Variants in TXNDC16 observed in about 807,000 individuals in gnomAD.
TXNDC16 encodes the protein thioredoxin domain containing 16, also known as thioredoxin domain-containing protein 16.
TXNDC16 carries 74 observed loss-of-function variants against 85.6 expected under a neutral mutation model. The observed-to-expected ratio is 0.86, with a 90% CI of 0.72 to 1.05. TXNDC16 has a LOEUF of 1.05. TXNDC16 is among the 50% of genes least tolerant of loss of function. TXNDC16 has a pLI of 0.00. For synonymous variants in TXNDC16, 335 were observed against 326.5 expected (o/e 1.03, Z -0.28); for missense variants, 959 against 947.0 (o/e 1.01, Z -0.17).
rs141505627 is a variant in TXNDC16 at position 52,519,184 on chromosome 14, T to C, written c.502A>G (p.Ile168Val). The C allele has an allele frequency of 6.2e-7, 1 of 1,609,718 alleles. No homozygotes were observed. The highest frequency in any genetic ancestry group is 8.5e-7 in the Non-Finnish European group (1 of 1,178,236). ...AGTTAAAGAATACCTGGTATTCCAA[T>C]GGCTCTTACATATGAGAATATAATA... ...ANIIFSYVRA[I>V]GIPEHRAVME... Residue 168 changes from isoleucine (I) to valine (V), a missense_variant, in exon 7 of 21, where the codon ATT (isoleucine) becomes GTT (valine). Ile to Val is a conservative substitution (Grantham distance 29). Coordinates refer to ENST00000281741, the MANE Select transcript of TXNDC16 (RefSeq NM_020784.3).
intron 1 of TXNDC16, 119 bp from the exon 2 acceptor site, chr14:52,544,490 T>C (rs765000529): frequency 2.6e-5 from 4 of 152,060 alleles, no homozygotes; most frequent in South Asian, 2.1e-4. Context: ...CTCTTTCAAA[T>C]GCAAGCTCAC....
At chr14:52,515,917 T>G (rs1184624582) in intron 7 of TXNDC16, among the ~76,000 whole-genome samples, 4 of 152,114 alleles carry the variant, frequency 2.6e-5, no homozygotes, top group Non-Finnish European at 5.9e-5. Context: ...AGAAGCCATA[T>G]GGTACAGAAT....
rs369265944 is a variant in TXNDC16 at position 52,542,417 on chromosome 14, T to C, written c.197A>G (p.Asn66Ser). 5.6e-6 allele frequency: 9 copies of C among 1,612,762 alleles called. No homozygotes were observed. In the African/African-American group the frequency reaches 1.1e-4, roughly 19 times the overall value. The part of the protein sequence containing the change: ...PRTSVFLEEL[N>S]EAVRPLQDYG... Reference sequence around the variant, plus strand: ...GTCCTGCAGAGGTCTAACAGCCTCATTCAGTTCTTCAAGAAATACAGATGT... The same window carrying C: ...GTCCTGCAGAGGTCTAACAGCCTCACTCAGTTCTTCAAGAAATACAGATGT... The change falls in exon 4 of 21, where the codon AAT becomes AGT. Residue 66 changes from asparagine to serine, a missense_variant. Coordinates refer to ENST00000281741, the MANE Select transcript of TXNDC16 (RefSeq NM_020784.3).
intron 3 of TXNDC16, 115 bp downstream of exon 3, chr14:52,543,283 G>C: frequency 8.7e-7 from 1 of 1,148,572 alleles, no homozygotes; most frequent in Non-Finnish European, 1.2e-6. Flanking sequence ...ACATATTATA[G>C]TAACAGCTAT....
intron 4 of TXNDC16, 31 bp downstream of exon 4, chr14:52,542,340 T>C (rs1429634000): frequency 2.8e-6 from 4 of 1,444,270 alleles, no homozygotes; most frequent in Non-Finnish European, 3.9e-6. Context: ...TGTTCGTCAC[T>C]AATATTTTAG....
intron 16 of TXNDC16, among the ~76,000 whole-genome samples, chr14:52,468,714 T>C (rs1355297199): frequency 4.2e-4 from 63 of 151,092 alleles, no homozygotes; most frequent in Non-Finnish European, 2.1e-4. Flanking sequence ...CTCATCTCTA[T>C]GAAAAATTAA....
At chr14:52,451,721 T>G (rs1254304836) in intron 18 of TXNDC16, among the ~76,000 whole-genome samples, 2 of 152,056 alleles carry the variant, frequency 1.3e-5, no homozygotes, top group Non-Finnish European at 2.9e-5. Context: ...ATATATGCCA[T>G]AGCCACAGCT....
chr14:52,439,568 T>A (rs1344594088), intron 19 of TXNDC16, among the ~76,000 whole-genome samples, 174 bp from the exon 20 acceptor site: 1 of 152,244 alleles, frequency 6.6e-6, no homozygotes, highest in African/African-American at 2.4e-5. Flanking sequence ...CCGGATTCTT[T>A]TAAAGTTTCT....
At chr14:52,531,533 C>G (rs76345053) in intron 6 of TXNDC16, among the ~76,000 whole-genome samples, 13,127 of 152,162 alleles carry the variant, frequency 0.086, 626 homozygotes, top group East Asian at 0.14. Context: ...ACCTTAAATG[C>G]ATATTACTAA....
chr14:52,523,898 TACC>T (rs1324109062), intron 6 of TXNDC16, among the ~76,000 whole-genome samples: 1 of 152,262 alleles, frequency 6.6e-6, no homozygotes, highest in Non-Finnish European at 1.5e-5. Context: ...ATATGTCATG[TACC>T]ACATATGTAC....
intron 6 of TXNDC16, among the ~76,000 whole-genome samples, chr14:52,534,884 T>C (rs192783128): frequency 1.8e-4 from 27 of 152,310 alleles, no homozygotes; most frequent in Non-Finnish European, 3.5e-4. Flanking sequence ...ATTCGTGTTC[T>C]ATAAATCAGC....
chr14:52,493,650 A>G (rs116999319), intron 9 of TXNDC16, among the ~76,000 whole-genome samples: 2,777 of 152,324 alleles, frequency 0.018, 34 homozygotes, highest in Non-Finnish European at 0.028. Flanking sequence ...ATCATCACTG[A>G]AATAAACACA....
intron 7 of TXNDC16, among the ~76,000 whole-genome samples, chr14:52,516,388 T>TC (rs1361200203): frequency 6.6e-6 from 1 of 152,192 alleles, no homozygotes; most frequent in Non-Finnish European, 1.5e-5. Flanking sequence ...ATTTCCCATT[T>TC]CCCCTGAGAA....
intron 12 of TXNDC16, among the ~76,000 whole-genome samples, chr14:52,484,894 A>T (rs755413400): frequency 2.4e-4 from 36 of 152,222 alleles, no homozygotes; most frequent in Non-Finnish European, 3.7e-4. Flanking sequence ...AAAAAAAGAA[A>T]AAAGTACAGC....
intron 9 of TXNDC16, among the ~76,000 whole-genome samples, chr14:52,501,231 C>T (rs1401970614): frequency 2.6e-5 from 4 of 152,008 alleles, no homozygotes; most frequent in Non-Finnish European, 4.4e-5. Flanking sequence ...TATATATCTA[C>T]AATTAGGTGT....
chr14:52,510,136 G>A (rs1473504051), intron 9 of TXNDC16, among the ~76,000 whole-genome samples: 1 of 152,130 alleles, frequency 6.6e-6, no homozygotes, highest in East Asian at 1.9e-4. Flanking sequence ...CATAGACCTT[G>A]ATAATGTTCA....
rs763751089 is a variant in TXNDC16 at position 52,439,398 on chromosome 14, C to CA, written c.2004-5dup. On this transcript the variant is annotated splice_polypyrimidine_tract_variant and splice_region_variant and intron_variant, in intron 19 of 20. Transcript: ENST00000281741. Reference sequence around the variant, plus strand: ...TCTCCCCACTGGAGTATTCTTTCTGCAAAAGGGAACAATTGAACATATTAA... The same window carrying CA: ...TCTCCCCACTGGAGTATTCTTTCTGCAAAAAGGGAACAATTGAACATATTAA... 1.3e-5 allele frequency: 21 copies of CA among 1,608,126 alleles called. No individual in the cohort carries two copies. The East Asian group carries it at 4.7e-4, about 36-fold the overall frequency.
intron 18 of TXNDC16, among the ~76,000 whole-genome samples, chr14:52,447,009 T>C (rs1383367717): frequency 6.6e-6 from 1 of 151,678 alleles, no homozygotes; most frequent in Non-Finnish European, 1.5e-5. Context: ...AGACTCCTTC[T>C]GCTTGAGAAA....
At chr14:52,529,124 A>G (rs113356607) in intron 6 of TXNDC16, among the ~76,000 whole-genome samples, 1 of 151,252 alleles carries the variant, frequency 6.6e-6, no homozygotes, top group South Asian at 2.1e-4. Flanking sequence ...TGGCACATAT[A>G]CACCATGGAA....
Sources: allele counts gnomAD v4.1 joint callset (sites outside exome capture counted in the v4.1 genomes callset), GRCh38; gene constraint gnomAD v4.1.1; transcripts MANE v1.5; gene names NCBI Gene and HGNC (gene_info 2026-07-23, HGNC 2026-07-21).